Variants in SLC5A4 observed in about 807,000 individuals in gnomAD.
The protein encoded by SLC5A4 is solute carrier family 5 member 4.
A neutral mutation model predicts 70.3 loss-of-function variants in SLC5A4; 55 were observed. The ratio of observed to expected loss-of-function variants is 0.78; its 90% confidence interval spans 0.63 to 0.98. The LOEUF (loss-of-function observed/expected upper bound fraction) is 0.98, where lower values mean the gene tolerates loss of function less well. Ranked by LOEUF, SLC5A4 falls within the 50% of genes least tolerant of loss-of-function variation. The pLI, the probability that SLC5A4 is intolerant of heterozygous loss-of-function variation, is 0.00. For synonymous variants in SLC5A4, 268 were observed against 305.7 expected (o/e 0.88, Z 1.29); for missense variants, 735 against 839.2 (o/e 0.88, Z 1.53).
At chr22:32,316,097 A>G in the SLC5A4 span, among the ~76,000 whole-genome samples, 2 of 131,446 alleles carry the variant, frequency 1.5e-5, no homozygotes, top group South Asian at 4.8e-4. Flanking sequence ...TGAACCCAGG[A>G]GACTCTGTCT....
At chr22:32,247,262 G>C (rs937395130) in intron 5 of SLC5A4, 149 bp downstream of exon 5, 7 of 615,824 alleles carry the variant, frequency 1.1e-5, no homozygotes, top group Middle Eastern at 2.7e-4. Context: ...TGAAGACTTT[G>C]AAGAGACAGT....
chr22:32,233,075 G>A (rs1189554209), intron 8 of SLC5A4, 41 bp from the exon 9 acceptor site: 17 of 1,591,330 alleles, frequency 1.1e-5, no homozygotes, highest in Non-Finnish European at 1.5e-5. Context: ...CAAGCCAGGG[G>A]ATGATTTCAA....
chr22:32,265,326 T>A, the SLC5A4 span, among the ~76,000 whole-genome samples: 1 of 152,126 alleles, frequency 6.6e-6, no homozygotes, highest in Non-Finnish European at 1.5e-5. Context: ...AGTTCGAGGC[T>A]ACAGTGAGCC....
chr22:32,325,492 G>T, the SLC5A4 span, among the ~76,000 whole-genome samples: 1 of 152,224 alleles, frequency 6.6e-6, no homozygotes, highest in Non-Finnish European at 1.5e-5. Context: ...GGATCACAAG[G>T]AGCATGGCTG....
the SLC5A4 span, among the ~76,000 whole-genome samples, chr22:32,317,643 C>A: frequency 6.6e-6 from 1 of 152,000 alleles, no homozygotes; most frequent in Non-Finnish European, 1.5e-5. Flanking sequence ...AATAAAAATT[C>A]TTTGTAGGGA....
the SLC5A4 span, among the ~76,000 whole-genome samples, chr22:32,305,126 C>T: frequency 6.6e-6 from 1 of 152,182 alleles, no homozygotes; most frequent in Non-Finnish European, 1.5e-5. Context: ...CTTTTCAACT[C>T]ATGTACCGAG....
chr22:32,305,133 C>CG, the SLC5A4 span, among the ~76,000 whole-genome samples: 1 of 151,914 alleles, frequency 6.6e-6, no homozygotes, highest in Admixed American at 6.6e-5. Flanking sequence ...ACTCATGTAC[C>CG]GAGACCTTAA....
At chr22:32,352,733 A>C in the SLC5A4 span, among the ~76,000 whole-genome samples, 1 of 152,166 alleles carries the variant, frequency 6.6e-6, no homozygotes, top group Non-Finnish European at 1.5e-5. Context: ...ATGCTAATAC[A>C]ACTACTACTG....
At chr22:32,261,525 G>A in the SLC5A4 span, among the ~76,000 whole-genome samples, 1 of 152,226 alleles carries the variant, frequency 6.6e-6, no homozygotes, top group South Asian at 2.1e-4. Flanking sequence ...CAATGGCACT[G>A]GTTGGGGAAG....
the SLC5A4 span, among the ~76,000 whole-genome samples, chr22:32,329,336 G>C: frequency 6.6e-6 from 1 of 152,212 alleles, no homozygotes; most frequent in Non-Finnish European, 1.5e-5. Flanking sequence ...GACACTGCAT[G>C]TAACAACACT....
At chr22:32,223,697 A>G (rs1345666946) in intron 13 of SLC5A4, among the ~76,000 whole-genome samples, 1 of 152,162 alleles carries the variant, frequency 6.6e-6, no homozygotes, top group Non-Finnish European at 1.5e-5. Flanking sequence ...CTGGTGTCCT[A>G]TGACAATGCT....
At position 32,229,310 on chromosome 22, in the gene SLC5A4, G is replaced by A. The variant is rs147703693; in HGVS notation, c.1164C>T (p.Ala388=). The change falls in exon 11 of 15, where the codon GCC becomes GCT. Residue 388 remains alanine, a synonymous_variant. Coordinates refer to ENST00000266086, the MANE Select transcript of SLC5A4 (RefSeq NM_014227.3). ...TGGAGGTCAGGGAGCTCATGAGAGA[G>A]GCCAGCATGACCGAAAGCATCAGGC... ...LRGLMLSVML[A]SLMSSLTSIF... is the part of the protein sequence containing the mutation. 490 of 1,614,174 alleles carry A rather than the reference G, an allele frequency of 3.0e-4. 6 individuals carry two copies. In the African/African-American group the frequency reaches 5.6e-3, roughly 18 times the overall value.
At chr22:32,345,754 T>C in the SLC5A4 span, among the ~76,000 whole-genome samples, 495 of 152,258 alleles carry the variant, frequency 3.3e-3, 1 homozygote, top group African/African-American at 0.011. Context: ...AGATGCCAAA[T>C]AGGGTAGTGA....
chr22:32,260,074 A>T (rs1405389597), upstream of SLC5A4, among the ~76,000 whole-genome samples: 1 of 152,150 alleles, frequency 6.6e-6, no homozygotes, highest in African/African-American at 2.4e-5. Flanking sequence ...TGGGGGACTC[A>T]GGGGCTTGTA....
the SLC5A4 span, among the ~76,000 whole-genome samples, chr22:32,321,051 G>A: frequency 6.6e-6 from 1 of 152,220 alleles, no homozygotes; most frequent in African/African-American, 2.4e-5. Context: ...ATTTTGGGAG[G>A]CCGAGGCAGG....
intron 5 of SLC5A4, among the ~76,000 whole-genome samples, chr22:32,239,417 T>G (rs1266639288): frequency 6.8e-6 from 1 of 147,348 alleles, no homozygotes; most frequent in Non-Finnish European, 1.5e-5. Context: ...GCCCCTTGAC[T>G]GTGATGGAGT....
intron 10 of SLC5A4, among the ~76,000 whole-genome samples, chr22:32,230,500 C>T (rs1925685680): frequency 6.6e-6 from 1 of 152,134 alleles, no homozygotes; most frequent in Non-Finnish European, 1.5e-5. Context: ...TTAGTAGGCA[C>T]TCAATAAATA....
intron 9 of SLC5A4, 37 bp downstream of exon 9, chr22:32,232,862 C>T (rs1412411298): frequency 5.7e-6 from 9 of 1,579,374 alleles, no homozygotes; most frequent in Non-Finnish European, 7.7e-6. Context: ...AGAATACAAG[C>T]ATAAAAAAAG....
chr22:32,222,095 T>A (rs569971123), intron 13 of SLC5A4, among the ~76,000 whole-genome samples: 2 of 152,370 alleles, frequency 1.3e-5, no homozygotes, highest in Non-Finnish European at 2.9e-5. Context: ...TATCATATTC[T>A]AAGTTATACC....
Sources: allele counts gnomAD v4.1 joint callset (sites outside exome capture counted in the v4.1 genomes callset), GRCh38; gene constraint gnomAD v4.1.1; transcripts MANE v1.5; gene names NCBI Gene and HGNC (gene_info 2026-07-23, HGNC 2026-07-21).